The following MANEA variants were observed in gnomAD, a reference collection of about 807,000 sequenced individuals.
The protein encoded by MANEA is mannosidase endo-alpha.
A neutral mutation model predicts 36.8 loss-of-function variants in MANEA; 25 were observed. The ratio of observed to expected loss-of-function variants is 0.68; its 90% CI spans 0.50 to 0.95. MANEA has a LOEUF of 0.95. Among genes scored for constraint, MANEA ranks in the 40% least tolerant of loss-of-function variants. The pLI, the probability that MANEA is intolerant of heterozygous loss-of-function variation, is 0.00. For missense variants in MANEA, 565 were observed against 558.8 expected (o/e 1.01, Z -0.11); for synonymous variants, 198 against 188.5 (o/e 1.05, Z -0.41).
At chr6:95,594,466 G>A (rs1769449325) in intron 2 of MANEA, among the ~76,000 whole-genome samples, 1 of 152,140 alleles carries the variant, frequency 6.6e-6, no homozygotes, top group Non-Finnish European at 1.5e-5. Flanking sequence ...ATTTTTAAAG[G>A]TAAGTGCTTT....
intron 1 of MANEA, 103 bp from the exon 2 acceptor site, chr6:95,586,299 T>A: frequency 3.1e-6 from 2 of 653,436 alleles, no homozygotes; most frequent in Non-Finnish European, 5.2e-6. Flanking sequence ...TCAGTATTAA[T>A]TATTCAATGT....
rs375797963 is a variant in MANEA, at chr6:95,585,659, T to C, written c.-38-743T>C. On this transcript the variant is annotated intron_variant, in intron 1 of 4. Transcript: ENST00000358812. The stretch of plus-strand genomic sequence containing the variant: ...ATTGGGAATATCTTACTTGTGATTA[T>C]TCTTTTTTTCTCTACTGTCATTTAA... Among the ~76,000 whole-genome samples, 19 of 152,350 alleles carry C rather than the reference T, an allele frequency of 1.2e-4. No individual in the cohort carries two copies. In the South Asian group the frequency reaches 2.3e-3, roughly 18 times the overall value.
In MANEA at chr6:95,607,257, G is replaced by T. The variant is rs932915364; in HGVS notation, c.*852G>T. On this transcript the variant is annotated 3_prime_UTR_variant, in exon 5 of 5. Coordinates refer to ENST00000358812, the MANE Select transcript of MANEA (RefSeq NM_024641.4). The stretch of plus-strand genomic sequence containing the variant: ...ACAGTTGTTTCACAATTATTATGTA[G>T]ATATGATGCCCAAATATCATTTTTA... 1 of 152,040 alleles carries T rather than the reference G, an allele frequency of 6.6e-6. No individual in the cohort carries two copies. The highest frequency in any genetic ancestry group is 1.5e-5 in the Non-Finnish European group (1 of 67,976). The allele number at this position is 152,040 out of a possible 1,614,324, so 9.4% of individuals were successfully genotyped here. A position where few individuals can be genotyped will look rare whatever the true frequency, so the allele number is the denominator to read the frequency against.
rs1410633325 is a variant in MANEA, at chr6:95,605,805, T to C, written c.789T>C (p.Pro263=). The change falls in exon 5 of 5, where the codon CCT becomes CCC. Residue 263 remains proline (P), a synonymous_variant. Transcript: ENST00000358812. Reference sequence around the variant, plus strand: ...AGACGAAGACTGGCAATGCTCTTCCTATGTTTTATGTCTATGATTCCTATA... The same window carrying C: ...AGACGAAGACTGGCAATGCTCTTCCCATGTTTTATGTCTATGATTCCTATA... ...RYKTKTGNAL[P]MFYVYDSYIT... The C allele has an allele frequency of 6.2e-7, 1 of 1,613,702 alleles. No individual in the cohort carries two copies. The highest frequency in any genetic ancestry group is 8.5e-7 in the Non-Finnish European group (1 of 1,179,674).
intron 1 of MANEA, among the ~76,000 whole-genome samples, chr6:95,579,675 A>G (rs2127936589): frequency 6.6e-6 from 1 of 152,328 alleles, no homozygotes; most frequent in East Asian, 1.9e-4. Flanking sequence ...AAAAGCAAAT[A>G]ATTTTTGAAG....
At chr6:95,584,650 T>A (rs1256682946) in intron 1 of MANEA, among the ~76,000 whole-genome samples, 4 of 152,218 alleles carry the variant, frequency 2.6e-5, no homozygotes. Context: ...TTTGTTCTCC[T>A]TTTTGCCCTT....
At chr6:95,585,379 G>A (rs974475096) in intron 1 of MANEA, among the ~76,000 whole-genome samples, 3 of 152,226 alleles carry the variant, frequency 2.0e-5, no homozygotes, top group Admixed American at 6.5e-5. Context: ...GCACAATCAT[G>A]GCTCACTGCA....
At chr6:95,598,517 G>A (rs899686070) in intron 3 of MANEA, among the ~76,000 whole-genome samples, 16 of 152,190 alleles carry the variant, frequency 1.1e-4, no homozygotes, top group African/African-American at 3.9e-4. Context: ...TAGAGTGAAA[G>A]ATCTGAGAGA....
chr6:95,607,056 G>A lies in MANEA; in HGVS notation c.*651G>A, dbSNP rs1322589380. On this transcript the variant is annotated 3_prime_UTR_variant, in exon 5 of 5. Transcript: ENST00000358812. ...ACCTTACCATGACCAAATTGTGTTAGGACGGCCTGCTATCTACAGCACAGT... is the reference window on the plus strand; with the variant it reads ...ACCTTACCATGACCAAATTGTGTTAAGACGGCCTGCTATCTACAGCACAGT... The A allele has an allele frequency of 6.6e-6, 1 of 151,928 alleles. No individual in the cohort carries two copies. The highest frequency in any genetic ancestry group is 1.9e-4 in the East Asian group (1 of 5,184). 9.4% of individuals were successfully genotyped at this position (151,928 alleles called of 1,614,324 possible).
intron 1 of MANEA, among the ~76,000 whole-genome samples, chr6:95,582,152 A>C (rs1053797208): frequency 6.9e-6 from 1 of 144,226 alleles, no homozygotes; most frequent in Non-Finnish European, 1.5e-5. Flanking sequence ...TTACAGTGGC[A>C]TGCCAAAATG....
intron 2 of MANEA, 69 bp from the exon 3 acceptor site, chr6:95,596,668 T>A: frequency 2.4e-6 from 2 of 819,244 alleles, no homozygotes; most frequent in Non-Finnish European, 4.2e-6. Context: ...TGGTACTTAC[T>A]GTGCCTTTTT....
At chr6:95,577,731 C>T (rs1273779226) in intron 1 of MANEA, 93 bp downstream of exon 1, 1 of 152,278 alleles carries the variant, frequency 6.6e-6, no homozygotes, top group Non-Finnish European at 1.5e-5. Context: ...CGCGCTCGCC[C>T]GCCAGCCAAT....
At position 95,606,325 on chromosome 6, in the gene MANEA, G is replaced by A. The variant is rs1346748640; in HGVS notation, c.1309G>A (p.Glu437Lys). 1.2e-6 allele frequency: 2 copies of A among 1,610,452 alleles called. No homozygotes were observed. Among genetic ancestry groups the A allele is most frequent in the Non-Finnish European group, 1.7e-6 (2 of 1,179,860 alleles). ...TCCTCATAAACCAGGTCTTTACCTA[G>A]AACTGACTCGCAAGTGGTCTGAAAA... ...YRPHKPGLYL[E>K]LTRKWSEKYS... Residue 437 changes from glutamate to lysine, a missense_variant, in exon 5 of 5, where the codon GAA (glutamate) becomes AAA (lysine). Physicochemically the swap from Glu to Lys is moderately conservative, Grantham distance 56 (BLOSUM62 1). Coordinates refer to ENST00000358812, the MANE Select transcript of MANEA (RefSeq NM_024641.4).
At chr6:95,604,007 C>T (rs767878624) in intron 3 of MANEA, among the ~76,000 whole-genome samples, 1 of 149,262 alleles carries the variant, frequency 6.7e-6, no homozygotes, top group Non-Finnish European at 1.5e-5. Context: ...TTACTGCTCT[C>T]TATGTTTACA....
rs574968920 is a variant in MANEA at position 95,593,766 on chromosome 6, G to T, written c.545-2971G>T. 3.3e-5 allele frequency among the ~76,000 whole-genome samples: 5 copies of T among 152,262 alleles called. No homozygotes were observed. In the East Asian group the frequency reaches 9.7e-4, roughly 29 times the overall value. On this transcript the variant is annotated intron_variant, in intron 2 of 4. Transcript: ENST00000358812. ...TGATAGTATAAAGATGGAAAAGACT[G>T]GCTGGGTGTGGTGGCTCACGCCTGT...
In MANEA at chr6:95,602,791, C is replaced by T. The variant is rs546083699; in HGVS notation, c.655-2036C>T. 2.6e-5 allele frequency among the ~76,000 whole-genome samples: 4 copies of T among 151,236 alleles called. No homozygotes were observed. The East Asian group carries it at 5.9e-4, about 22-fold the overall frequency. ...ATCCCAGCACTTTGGGAGGCCGAGGCGGGTGGATCATGAGGTCAGGAGATC... is the reference window on the plus strand; with the variant it reads ...ATCCCAGCACTTTGGGAGGCCGAGGTGGGTGGATCATGAGGTCAGGAGATC... On this transcript the variant is annotated intron_variant, in intron 3 of 4. Transcript: ENST00000358812.
chr6:95,605,749 T>C lies in MANEA; in HGVS notation c.733T>C (p.Tyr245His). 6.2e-7 allele frequency: 1 copy of C among 1,601,162 alleles called. No homozygotes were observed. The highest frequency in any genetic ancestry group is 8.5e-7 in the Non-Finnish European group (1 of 1,170,908). Residue 245 changes from tyrosine to histidine, a missense_variant and splice_region_variant, in exon 5 of 5, where the codon TAT becomes CAT. Coordinates refer to ENST00000358812, the MANE Select transcript of MANEA (RefSeq NM_024641.4). Reference protein sequence around the residue: ...YKNVKYIIDKYGNHPAFYRYK... With the variant: ...YKNVKYIIDKHGNHPAFYRYK... ...CTTTTATATATGCTTATTTTCTAGATATGGAAATCATCCGGCCTTTTACAG... is the reference window on the plus strand; with the variant it reads ...CTTTTATATATGCTTATTTTCTAGACATGGAAATCATCCGGCCTTTTACAG...
At chr6:95,598,324 T>C (rs9387442) in intron 3 of MANEA, among the ~76,000 whole-genome samples, 90,701 of 151,928 alleles carry the variant, frequency 0.6, 27,491 homozygotes, top group East Asian at 0.87. Context: ...AGTGGCTTAT[T>C]TGGGAGTGTC....
chr6:95,597,779 C>A (rs1769508031), intron 3 of MANEA, among the ~76,000 whole-genome samples: 1 of 151,922 alleles, frequency 6.6e-6, no homozygotes, highest in Non-Finnish European at 1.5e-5. Flanking sequence ...GAAGAAAGAA[C>A]TATGATAGAT....
Sources: gnomAD v4.1 joint callset for allele counts (sites outside exome capture counted in the v4.1 genomes callset) on GRCh38, gnomAD v4.1.1 for gene constraint, MANE v1.5 for transcripts, NCBI Gene and HGNC (gene_info 2026-07-23, HGNC 2026-07-21) for gene names.